Variants in GRM4 observed in about 807,000 individuals in gnomAD.
The protein encoded by GRM4 is glutamate metabotropic receptor 4.
Under a neutral mutation model 81.7 loss-of-function variants are expected in GRM4, and 28 were observed. The ratio of observed to expected loss-of-function variants is 0.34; its 90% CI spans 0.25 to 0.47. The LOEUF is 0.47. GRM4 is among the 20% of genes least tolerant of loss of function. The probability of loss-of-function intolerance (pLI) is 1.00; values close to 1 mark genes in which losing one functional copy is unlikely to be tolerated. For synonymous variants in GRM4, 488 were observed against 528.8 expected (o/e 0.92, Z 1.06); for missense variants, 948 against 1,290.0 (o/e 0.73, Z 4.06).
At chr6:34,142,191 C>T (rs1770720856) in intron 1 of GRM4, among the ~76,000 whole-genome samples, 1 of 152,210 alleles carries the variant, frequency 6.6e-6, no homozygotes, top group Non-Finnish European at 1.5e-5. Context: ...CCCGCCAAGA[C>T]AGCCAGCAGC....
chr6:34,128,409 G>A lies in GRM4; in HGVS notation c.519+4569C>T, dbSNP rs181313554. Among the ~76,000 whole-genome samples the A allele has an allele frequency of 5.6e-3, 749 of 133,798 alleles. 6 individuals are homozygous for A. Among genetic ancestry groups the A allele is most frequent in the African/African-American group, 0.021 (733 of 34,786 alleles). 87.8% of individuals were successfully genotyped at this position (133,798 alleles called of 152,430 possible). On this transcript the variant is annotated intron_variant, in intron 2 of 10. Transcript: ENST00000538487. ...TTTTTTTTTTTTGAGACTGAGTTTC[G>A]CTCTTGTCGCCCAGGCTGGGATGCA...
Position 34,059,573 on chromosome 6 carries a change from G to A in GRM4, c.873-445C>T, listed in dbSNP as rs370996069. 16 of 196,612 alleles carry A rather than the reference G, an allele frequency of 8.1e-5. No homozygotes were observed. The East Asian group carries it at 2.0e-3, about 25-fold the overall frequency. 12.2% of individuals were successfully genotyped at this position (196,612 alleles called of 1,614,324 possible). ...ACGCATCCACCATCACACAACCGCC[G>A]CCCTCACCCCTCTGCACATGCTGCC... On this transcript the variant is annotated intron_variant, in intron 4 of 10. Transcript: ENST00000538487. The surrounding 1 kb of genome is among the most constrained non-coding windows in gnomAD (Gnocchi z 5.7).
chr6:34,099,300 C>T (rs1019510417), intron 2 of GRM4, among the ~76,000 whole-genome samples: 2 of 152,106 alleles, frequency 1.3e-5, no homozygotes, highest in African/African-American at 4.8e-5. Context: ...GTCAGATGGC[C>T]CTCAGCCTGC....
chr6:34,044,671 G>GACACACACAC (rs555808028), intron 6 of GRM4, among the ~76,000 whole-genome samples: 2 of 72,330 alleles, frequency 2.8e-5, no homozygotes, highest in Admixed American at 1.3e-4. Flanking sequence ...TATATACACA[G>GACACACACAC]ACACACACAC....
Position 34,036,790 on chromosome 6 carries a change from C to T in GRM4, c.1507-187G>A, listed in dbSNP as rs1317552708. Among the ~76,000 whole-genome samples the T allele has an allele frequency of 6.6e-6, 1 of 152,190 alleles. No individual in the cohort carries two copies. The highest frequency in any genetic ancestry group is 1.5e-5 in the Non-Finnish European group (1 of 68,036). On this transcript the variant is annotated intron_variant, in intron 8 of 10. Transcript: ENST00000538487. The surrounding 1 kb of genome is among the most constrained non-coding windows in gnomAD (Gnocchi z 9.0). ...AGCTGGAGTTAAAAAAGGTCTCCGG[C>T]ATAACTCAGACATAATTGACCTACA...
At chr6:34,073,104 A>ACACATCTC in intron 3 of GRM4, among the ~76,000 whole-genome samples, 1 of 44,790 alleles carries the variant, frequency 2.2e-5, no homozygotes, top group South Asian at 7.6e-4. Flanking sequence ...CACACCACAC[A>ACACATCTC]CACACATCAC....
chr6:34,105,560 C>G (rs1769080602), intron 2 of GRM4, among the ~76,000 whole-genome samples: 1 of 152,124 alleles, frequency 6.6e-6, no homozygotes, highest in African/African-American at 2.4e-5. Context: ...TGATCCGACC[C>G]TGGTGGTCCC....
At chr6:34,081,237 G>A (rs1330305532) in intron 3 of GRM4, among the ~76,000 whole-genome samples, 5 of 152,240 alleles carry the variant, frequency 3.3e-5, no homozygotes, top group African/African-American at 1.2e-4. Context: ...GGCACCCTGG[G>A]CTGCAGTCAC....
At chr6:34,056,443 CGACGACA>C in intron 6 of GRM4, 94 bp downstream of exon 6, 1 of 1,119,748 alleles carries the variant, frequency 8.9e-7, no homozygotes, top group East Asian at 2.6e-5. Context: ...CACGGCCGGC[CGACGACA>C]GACAAAGGGA....
At chr6:34,073,284 C>CACAA (rs1767111664) in intron 3 of GRM4, among the ~76,000 whole-genome samples, 3 of 14,892 alleles carry the variant, frequency 2.0e-4, no homozygotes, top group African/African-American at 2.3e-4. Context: ...CACACAGATA[C>CACAA]CACACACACA....
rs187858399 is a variant in GRM4, at chr6:34,057,415, C to G, written c.1028-731G>C. On this transcript the variant is annotated intron_variant, in intron 5 of 10. Coordinates refer to ENST00000538487, the MANE Select transcript of GRM4 (RefSeq NM_000841.4). ...AGCGTCCAAGTGGAAGCAAAATGAC[C>G]GGCCACGTGGCAGGAGACGCACTGG... is the stretch of plus-strand genomic sequence containing the variant. 1.5e-3 allele frequency among the ~76,000 whole-genome samples: 229 copies of G among 152,304 alleles called. 1 individual carries two copies. The highest frequency in any genetic ancestry group is 5.1e-3 in the African/African-American group (213 of 41,566).
chr6:34,094,351 G>T (rs567747874), intron 2 of GRM4, among the ~76,000 whole-genome samples: 1 of 152,150 alleles, frequency 6.6e-6, no homozygotes, highest in Non-Finnish European at 1.5e-5. Flanking sequence ...AACCACACTC[G>T]ACTATACTGG....
intron 1 of GRM4, among the ~76,000 whole-genome samples, chr6:34,137,489 G>A (rs1052671625): frequency 1.3e-5 from 2 of 152,200 alleles, no homozygotes; most frequent in Non-Finnish European, 1.5e-5. Context: ...GGGGGATGGG[G>A]GAGTCCCCAC....
At chr6:34,066,724 C>G (rs1766485746) in intron 3 of GRM4, among the ~76,000 whole-genome samples, 1 of 151,948 alleles carries the variant, frequency 6.6e-6, no homozygotes, top group African/African-American at 2.4e-5. Flanking sequence ...CCGACTCAAT[C>G]CATGTTTTAT....
intron 3 of GRM4, chr6:34,063,532 C>T (rs940551601): frequency 9.8e-5 from 15 of 152,860 alleles, no homozygotes; most frequent in East Asian, 9.6e-4. Flanking sequence ...CACACACACA[C>T]GCATGCACAC....
chr6:34,093,585 G>A (rs987822823), intron 2 of GRM4, among the ~76,000 whole-genome samples: 4 of 152,192 alleles, frequency 2.6e-5, no homozygotes, highest in Non-Finnish European at 5.9e-5. Context: ...GGCAGGTGGT[G>A]TATGGGTGGC....
At chr6:34,082,478 T>TG (rs1253374689) in intron 3 of GRM4, among the ~76,000 whole-genome samples, 1 of 152,090 alleles carries the variant, frequency 6.6e-6, no homozygotes, top group African/African-American at 2.4e-5. Flanking sequence ...ACCTGTGTTG[T>TG]GGGGGACTCA....
At chr6:34,102,716 C>T (rs368276559) in intron 2 of GRM4, among the ~76,000 whole-genome samples, 6 of 152,366 alleles carry the variant, frequency 3.9e-5, no homozygotes, top group African/African-American at 1.4e-4. Context: ...GTTATTCCCC[C>T]ACTGTGTCTT....
intron 3 of GRM4, among the ~76,000 whole-genome samples, chr6:34,067,886 T>C (rs1318868734): frequency 1.3e-5 from 2 of 152,150 alleles, no homozygotes; most frequent in Non-Finnish European, 2.9e-5. Context: ...AGCCCACATT[T>C]ACTGAGCATC....
Sources: gnomAD v4.1 joint callset for allele counts (sites outside exome capture counted in the v4.1 genomes callset) on GRCh38, gnomAD v4.1.1 for gene constraint, Gnocchi (gnomAD v3.1) non-coding constraint, MANE v1.5 for transcripts, NCBI Gene and HGNC (gene_info 2026-07-23, HGNC 2026-07-21) for gene names.